Variants in CNTNAP5 observed in about 807,000 individuals in gnomAD.
The protein encoded by CNTNAP5 is contactin-associated protein-like 5.
In CNTNAP5, 72 loss-of-function variants were observed where a neutral mutation model predicts 150.2. The ratio of observed to expected loss-of-function variants is 0.48; its 90% CI spans 0.40 to 0.58. The LOEUF is 0.58. CNTNAP5 is among the 20% of genes least tolerant of loss of function. The pLI is 0.00. For missense variants in CNTNAP5, 1,636 were observed against 1,626.2 expected (o/e 1.01, Z -0.10); for synonymous variants, 672 against 619.8 (o/e 1.08, Z -1.25).
intron 21 of CNTNAP5, among the ~76,000 whole-genome samples, chr2:124,871,519 G>T (rs1024932220): frequency 6.6e-6 from 1 of 151,928 alleles, no homozygotes; most frequent in African/African-American, 2.4e-5. Flanking sequence ...TAGTAGGAGG[G>T]TTTACACTGT....
chr2:124,064,309 C>T (rs73952577), intron 1 of CNTNAP5, among the ~76,000 whole-genome samples: 15,787 of 152,082 alleles, frequency 0.1, 856 homozygotes, highest in Non-Finnish European at 0.12. Context: ...GGAGGTCACT[C>T]GCTATAGGGT....
rs565095216 is a variant in CNTNAP5, at chr2:124,458,744, T to G, written c.918+11807T>G. ...ATAAGTTAAAAGTGTCTACAATTTT[T>G]TAAAAAAACAGGTAACAATGAAAAA... On this transcript the variant is annotated intron_variant, in intron 6 of 23. Coordinates refer to ENST00000682447, the MANE Select transcript of CNTNAP5 (RefSeq NM_001367498.1). Among the ~76,000 whole-genome samples, 77 of 152,172 alleles carry G rather than the reference T, an allele frequency of 5.1e-4. 2 individuals carry two copies. The highest frequency in any genetic ancestry group is 1.7e-3 in the African/African-American group (72 of 41,514).
chr2:124,724,153 T>TAAG (rs1171622290), intron 13 of CNTNAP5, among the ~76,000 whole-genome samples: 1 of 149,002 alleles, frequency 6.7e-6, no homozygotes, highest in East Asian at 2.0e-4. Flanking sequence ...CAAATAATAA[T>TAAG]AATAATAATA....
chr2:124,099,842 ACT>A (rs778209662), intron 1 of CNTNAP5, among the ~76,000 whole-genome samples: 14 of 151,590 alleles, frequency 9.2e-5, no homozygotes, highest in Non-Finnish European at 2.1e-4. Context: ...TCTCATGAAA[ACT>A]CTATCACAAG....
intron 3 of CNTNAP5, among the ~76,000 whole-genome samples, chr2:124,338,444 G>C (rs1054925746): frequency 6.6e-6 from 1 of 151,972 alleles, no homozygotes; most frequent in African/African-American, 2.4e-5. Flanking sequence ...TGTCTTATAA[G>C]GAGTTCTTCT....
At chr2:124,861,172 G>A (rs949161656) in intron 19 of CNTNAP5, among the ~76,000 whole-genome samples, 3 of 151,846 alleles carry the variant, frequency 2.0e-5, no homozygotes, top group Non-Finnish European at 2.9e-5. Context: ...ATAAACCATC[G>A]GTTCTTTTAA....
rs1161996133 is a variant in CNTNAP5 at position 124,627,068 on chromosome 2, C to T, written c.1876+17148C>T. Among the ~76,000 whole-genome samples the T allele has an allele frequency of 2.0e-5, 3 of 152,296 alleles. No individual in the cohort carries two copies. The East Asian group carries it at 5.8e-4, about 29-fold the overall frequency. ...TCTAGCAGCTATAGTCAAAGACTTA[C>T]AGAAAGAGCTCTCACCTCCCTGAGA... On this transcript the variant is annotated intron_variant, in intron 12 of 23. Transcript: ENST00000682447.
chr2:124,276,902 GA>G (rs1183883487), intron 3 of CNTNAP5, among the ~76,000 whole-genome samples: 1 of 152,080 alleles, frequency 6.6e-6, no homozygotes, highest in Non-Finnish European at 1.5e-5. Context: ...AGGATTAAGA[GA>G]GGAGACATGG....
intron 18 of CNTNAP5, among the ~76,000 whole-genome samples, chr2:124,794,924 T>A (rs960987752): frequency 2.6e-5 from 4 of 152,222 alleles, no homozygotes; most frequent in African/African-American, 9.6e-5. Context: ...TATAATAATT[T>A]TTGAAATAAT....
intron 1 of CNTNAP5, among the ~76,000 whole-genome samples, chr2:124,202,768 T>C (rs548379079): frequency 9.9e-5 from 15 of 152,098 alleles, no homozygotes; most frequent in Non-Finnish European, 1.8e-4. Flanking sequence ...GTGAGACTTA[T>C]TCACTAGCAC....
intron 16 of CNTNAP5, among the ~76,000 whole-genome samples, chr2:124,772,413 G>C (rs1279792090): frequency 1.3e-5 from 2 of 152,170 alleles, no homozygotes; most frequent in East Asian, 3.9e-4. Context: ...GACTTCCCAA[G>C]GCCTAAGTCT....
chr2:124,782,640 G>T (rs957481691), intron 17 of CNTNAP5, among the ~76,000 whole-genome samples: 5 of 151,954 alleles, frequency 3.3e-5, no homozygotes, highest in African/African-American at 7.3e-5. Context: ...CTGGCATTTA[G>T]CATATTGACC....
At chr2:124,172,297 A>C (rs546898658) in intron 1 of CNTNAP5, among the ~76,000 whole-genome samples, 1 of 152,330 alleles carries the variant, frequency 6.6e-6, no homozygotes. Flanking sequence ...TAAAAGTGAG[A>C]CGTGCTCAGT....
chr2:124,216,121 C>T (rs981785673), intron 1 of CNTNAP5, among the ~76,000 whole-genome samples: 11 of 152,172 alleles, frequency 7.2e-5, no homozygotes, highest in Non-Finnish European at 1.3e-4. Context: ...AGCAAAGTTA[C>T]GCAAACAGGA....
At chr2:124,461,157 C>A (rs1249554555) in intron 6 of CNTNAP5, among the ~76,000 whole-genome samples, 1 of 151,994 alleles carries the variant, frequency 6.6e-6, no homozygotes. Flanking sequence ...TACCATTTGA[C>A]CCAGCCATCC....
In CNTNAP5 at chr2:124,417,606, T is replaced by A. The variant is rs372513895; in HGVS notation, c.529+16T>A. The A allele has an allele frequency of 1.9e-6, 3 of 1,607,022 alleles. No homozygotes were observed. The highest frequency in any genetic ancestry group is 2.7e-5 in the African/African-American group (2 of 74,884). ...TGTTCCTATAGTAAGTACTCACATGTACCCTTTACCATTGCTGAGTGTGAG... is the reference window on the plus strand; with the variant it reads ...TGTTCCTATAGTAAGTACTCACATGAACCCTTTACCATTGCTGAGTGTGAG... On this transcript the variant is annotated intron_variant, in intron 4 of 23. Transcript: ENST00000682447.
At chr2:124,782,596 AT>A (rs528323609) in intron 17 of CNTNAP5, among the ~76,000 whole-genome samples, 10 of 151,100 alleles carry the variant, frequency 6.6e-5, no homozygotes, top group East Asian at 1.9e-4. Context: ...AATTGCTCAC[AT>A]TTTTTTTTCA....
intron 1 of CNTNAP5, among the ~76,000 whole-genome samples, chr2:124,112,669 A>C (rs1683325189): frequency 6.6e-6 from 1 of 152,172 alleles, no homozygotes; most frequent in Admixed American, 6.6e-5. Context: ...CATGTTGAGA[A>C]TGAAAACATC....
At chr2:124,507,279 C>A (rs925959540) in intron 8 of CNTNAP5, among the ~76,000 whole-genome samples, 2 of 152,018 alleles carry the variant, frequency 1.3e-5, no homozygotes, top group Non-Finnish European at 2.9e-5. Context: ...AGTAACATGG[C>A]AAAACCCCAT....
Sources: allele counts gnomAD v4.1 joint callset (sites outside exome capture counted in the v4.1 genomes callset), GRCh38; gene constraint gnomAD v4.1.1; transcripts MANE v1.5; gene names NCBI Gene and HGNC (gene_info 2026-07-23, HGNC 2026-07-21).